HERC2: variants seen among roughly 807,000 people sequenced by gnomAD.
The protein encoded by HERC2 is E3 ubiquitin-protein ligase HERC2.
HERC2 carries 102 observed loss-of-function variants against 537.7 expected under a neutral mutation model. That is an observed-to-expected ratio of 0.19 (90% CI 0.16 to 0.22). The LOEUF (loss-of-function observed/expected upper bound fraction) is 0.22, where lower values mean the gene tolerates loss of function less well. HERC2 is among the 10% of genes least tolerant of loss of function. HERC2 has a pLI of 1.00. For synonymous variants in HERC2, 2,224 were observed against 2,466.2 expected (o/e 0.90, Z 2.91); for missense variants, 4,236 against 6,198.2 (o/e 0.68, Z 10.63).
intron 63 of HERC2, 130 bp from the exon 64 acceptor site, chr15:28,175,786 A>C: frequency 1.1e-6 from 1 of 881,766 alleles, no homozygotes; most frequent in Non-Finnish European, 1.8e-6. Context: ...CAAGGTCTTC[A>C]AACTTGTATT....
rs142143055 is a variant in HERC2 at position 28,173,885 on chromosome 15, C to T, written c.10057+510G>A. 4.8e-3 allele frequency among the ~76,000 whole-genome samples: 726 copies of T among 150,782 alleles called. 6 individuals carry two copies. The highest frequency in any genetic ancestry group is 0.017 in the African/African-American group (676 of 40,822). Reference sequence around the variant, plus strand: ...GTGACAGAAATTAAATTGGTGCATACGGCAGGAAGGAGGGAGTTAAAAGCA... The same window carrying T: ...GTGACAGAAATTAAATTGGTGCATATGGCAGGAAGGAGGGAGTTAAAAGCA... On this transcript the variant is annotated intron_variant, in intron 65 of 92. Coordinates refer to ENST00000261609, the MANE Select transcript of HERC2 (RefSeq NM_004667.6).
At chr15:28,284,265 A>G (rs1444220937) in intron 4 of HERC2, among the ~76,000 whole-genome samples, 1 of 152,226 alleles carries the variant, frequency 6.6e-6, no homozygotes, top group Non-Finnish European at 1.5e-5. Context: ...ACTCTAAAAC[A>G]CTACAGATAA....
Position 28,254,504 on chromosome 15 carries a change from T to C in HERC2, c.2886A>G (p.Lys962=), listed in dbSNP as rs771256883. 5 of 1,594,404 alleles carry C rather than the reference T, an allele frequency of 3.1e-6. No individual in the cohort carries two copies. The highest frequency in any genetic ancestry group is 4.3e-6 in the Non-Finnish European group (5 of 1,174,544). Residue 962 remains lysine, a synonymous_variant, in exon 20 of 93, where the codon AAA becomes AAG. Coordinates refer to ENST00000261609, the MANE Select transcript of HERC2 (RefSeq NM_004667.6). ...ITAEIQDIEA[K]KEAQKEKEID... is the part of the protein sequence containing the mutation. ...TTTCTTTTTCCTTCTGTGCTTCTTT[T>C]TTGGCTTCAATATCCTGTAATTCAT...
intron 70 of HERC2, among the ~76,000 whole-genome samples, chr15:28,148,779 G>A (rs867136956): frequency 5.3e-5 from 8 of 151,646 alleles, no homozygotes; most frequent in African/African-American, 1.7e-4. Context: ...GCTTCTAACC[G>A]AGAGCATCAC....
intron 10 of HERC2, among the ~76,000 whole-genome samples, chr15:28,270,025 G>A (rs200536152): frequency 2.0e-5 from 3 of 152,288 alleles, no homozygotes; most frequent in East Asian, 3.9e-4. Context: ...GCAATGGCGC[G>A]ATCTTGGCTC....
rs761864304 is a variant in HERC2, at chr15:28,229,305, G to A, written c.5162C>T (p.Pro1721Leu). Residue 1721 changes from proline (P) to leucine (L), a missense_variant, in exon 34 of 93, where the codon CCG becomes CTG. Physicochemically the swap from Pro to Leu is moderately conservative, Grantham distance 98 (BLOSUM62 -3). Around this residue, in one of 27 missense-constraint regions of HERC2, gnomAD observed 343 missense variants for 417.2 expected, o/e 0.82. Coordinates refer to ENST00000261609, the MANE Select transcript of HERC2 (RefSeq NM_004667.6). ...TTCCAGCAGCATCCGATTAAAAGGC[G>A]GGATCAAATCAACATCCTTTAAACA... is the stretch of plus-strand genomic sequence containing the variant. ...TDCLKDVDLIPPFNRMLLEVT... is the reference protein window; with the variant it reads ...TDCLKDVDLILPFNRMLLEVT... 19 of 1,612,004 alleles carry A rather than the reference G, an allele frequency of 1.2e-5. No individual in the cohort carries two copies. The highest frequency in any genetic ancestry group is 2.2e-5 in the East Asian group (1 of 44,888).
At chr15:28,239,391 T>C (rs1283432101) in intron 23 of HERC2, among the ~76,000 whole-genome samples, 1 of 152,038 alleles carries the variant, frequency 6.6e-6, no homozygotes, top group Non-Finnish European at 1.5e-5. Context: ...GGTGGTCACC[T>C]ATGCAAGTGC....
At chr15:28,117,423 C>T (rs1050817053) in intron 86 of HERC2, 2 of 687,176 alleles carry the variant, frequency 2.9e-6, no homozygotes, top group African/African-American at 1.8e-5. Flanking sequence ...ACAAACACAC[C>T]TTCCAACACG....
chr15:28,258,804 T>C (rs1056047959), intron 16 of HERC2, among the ~76,000 whole-genome samples: 1 of 152,012 alleles, frequency 6.6e-6, no homozygotes, highest in African/African-American at 2.4e-5. Context: ...AGATTGTTCT[T>C]TGAAAAGATC....
At chr15:28,172,024 G>A (rs1197743207) in intron 65 of HERC2, among the ~76,000 whole-genome samples, 8 of 149,880 alleles carry the variant, frequency 5.3e-5, no homozygotes, top group Admixed American at 1.3e-4. Context: ...GCAGTGAGCC[G>A]AGATTGCGCC....
intron 4 of HERC2, among the ~76,000 whole-genome samples, chr15:28,284,190 G>A (rs1222448524): frequency 1.3e-5 from 2 of 152,020 alleles, no homozygotes; most frequent in African/African-American, 4.8e-5. Flanking sequence ...TGGGTTTAGA[G>A]ATGCTCAATC....
intron 57 of HERC2, among the ~76,000 whole-genome samples, chr15:28,181,407 C>T (rs1051264817): frequency 6.6e-6 from 1 of 152,168 alleles, no homozygotes; most frequent in African/African-American, 2.4e-5. Flanking sequence ...CTCAGGTACA[C>T]TGAAACACAA....
intron 38 of HERC2, among the ~76,000 whole-genome samples, chr15:28,218,048 T>A (rs1475216280): frequency 1.3e-5 from 2 of 151,826 alleles, no homozygotes; most frequent in Admixed American, 6.5e-5. Context: ...CTATCGTACC[T>A]CGGCAGGTGA....
chr15:28,185,122 A>G (rs1449902277), intron 56 of HERC2, among the ~76,000 whole-genome samples: 1 of 151,508 alleles, frequency 6.6e-6, no homozygotes, highest in Non-Finnish European at 1.5e-5. Context: ...TTTCTTTTCA[A>G]CTTCTACACA....
At chr15:28,134,703 C>CTTTT (rs71132835) in intron 79 of HERC2, among the ~76,000 whole-genome samples, 2 of 114,812 alleles carry the variant, frequency 1.7e-5, no homozygotes, top group African/African-American at 5.9e-5. Context: ...ATTTTTTCCT[C>CTTTT]TTTTTTTTTT....
At chr15:28,141,683 C>A in intron 77 of HERC2, 48 bp downstream of exon 77, 4 of 1,609,108 alleles carry the variant, frequency 2.5e-6, no homozygotes, top group Non-Finnish European at 3.4e-6. Context: ...ATGCACACAG[C>A]CTCTCACACT....
rs757184859 is a variant in HERC2 at position 28,177,457 on chromosome 15, G to A, written c.9216C>T (p.Gly3072=). Residue 3072 remains glycine (G), a synonymous_variant, in exon 60 of 93, where the codon GGC becomes GGT. Coordinates refer to ENST00000261609, the MANE Select transcript of HERC2 (RefSeq NM_004667.6). The surrounding 1 kb of genome is among the most constrained non-coding windows in gnomAD (Gnocchi z 5.0). ...LTVDGKVFSW[G]EGDDGKLGHF... ...GTCCAAGTTTTCCATCGTCACCTTC[G>A]CCCCACGAAAACACTTTTCCATCGA... The A allele has an allele frequency of 3.2e-5, 51 of 1,613,944 alleles. 1 individual carries two copies. The South Asian group carries it at 4.7e-4, about 15-fold the overall frequency.
chr15:28,121,319 A>G, intron 86 of HERC2, 27 bp downstream of exon 86: 2 of 1,602,238 alleles, frequency 1.2e-6, no homozygotes, highest in South Asian at 1.1e-5. Flanking sequence ...AGGCTGTCAG[A>G]CTTGGAGAGT....
chr15:28,272,094 A>T, intron 9 of HERC2, 121 bp downstream of exon 9: 1 of 896,432 alleles, frequency 1.1e-6, no homozygotes, highest in Non-Finnish European at 1.7e-6. Flanking sequence ...ACTCGCTGCT[A>T]TTACCACCAA....
Sources: allele counts gnomAD v4.1 joint callset (sites outside exome capture counted in the v4.1 genomes callset), GRCh38; gene constraint gnomAD v4.1.1; regional missense constraint gnomAD v4.1.1; non-coding constraint Gnocchi (gnomAD v3.1); transcripts MANE v1.5; gene names NCBI Gene and HGNC (gene_info 2026-07-23, HGNC 2026-07-21).